KIAA1217: variants seen among roughly 807,000 people sequenced by gnomAD.
KIAA1217 encodes KIAA1217, also known as sickle tail protein homolog.
KIAA1217 carries 88 observed loss-of-function variants against 163.9 expected under a neutral mutation model. The ratio of observed to expected loss-of-function variants is 0.54; its 90% CI spans 0.45 to 0.64. The LOEUF is 0.64. KIAA1217 is among the 30% of genes least tolerant of loss of function. KIAA1217 has a pLI of 0.00. For missense variants in KIAA1217, 2,372 were observed against 2,475.0 expected (o/e 0.96, Z 0.88); for synonymous variants, 903 against 923.1 (o/e 0.98, Z 0.39).
chr10:23,984,773 C>T (rs1438781224), intron 1 of KIAA1217, among the ~76,000 whole-genome samples: 1 of 143,242 alleles, frequency 7.0e-6, no homozygotes, highest in South Asian at 2.2e-4. Context: ...GGGTTGGGGG[C>T]AAGGGGAGGG....
At chr10:23,703,720 TCTCCTC>T (rs1188404574) in intron 1 of KIAA1217, among the ~76,000 whole-genome samples, 3 of 151,818 alleles carry the variant, frequency 2.0e-5, no homozygotes, top group Non-Finnish European at 2.9e-5. Flanking sequence ...TCTTATTCTT[TCTCCTC>T]CTCCTCCTCC....
chr10:24,278,630 T>C (rs1352503095), intron 2 of KIAA1217, among the ~76,000 whole-genome samples: 2 of 152,248 alleles, frequency 1.3e-5, no homozygotes, highest in African/African-American at 2.4e-5. Context: ...TGTTAGCCAC[T>C]GGGGAGACAG....
chr10:24,098,206 T>C (rs889899930), intron 2 of KIAA1217, among the ~76,000 whole-genome samples: 4 of 151,846 alleles, frequency 2.6e-5, no homozygotes, highest in Non-Finnish European at 5.9e-5. Flanking sequence ...CCCTAGGAGG[T>C]GTGGGACACG....
intron 1 of KIAA1217, among the ~76,000 whole-genome samples, chr10:23,765,422 C>T (rs1834463199): frequency 6.6e-6 from 1 of 151,978 alleles, no homozygotes; most frequent in Admixed American, 6.6e-5. Flanking sequence ...ATCCACCCGC[C>T]TCGGCCTCCC....
intron 3 of KIAA1217, among the ~76,000 whole-genome samples, chr10:24,426,598 T>A (rs1328310076): frequency 2.0e-5 from 3 of 151,956 alleles, no homozygotes; most frequent in Non-Finnish European, 4.4e-5. Flanking sequence ...GCACTCCAGC[T>A]TGGGCAACAG....
At chr10:23,946,724 A>G (rs1844066613) in intron 1 of KIAA1217, among the ~76,000 whole-genome samples, 1 of 152,208 alleles carries the variant, frequency 6.6e-6, no homozygotes, top group African/African-American at 2.4e-5. Flanking sequence ...ATAACAACAC[A>G]TCTTTCTGAT....
At chr10:23,838,890 G>C (rs895129575) in intron 1 of KIAA1217, among the ~76,000 whole-genome samples, 1 of 151,948 alleles carries the variant, frequency 6.6e-6, no homozygotes. Flanking sequence ...TTTGATTATT[G>C]TTTCAATAAT....
chr10:24,485,456 A>C (rs570150973), intron 6 of KIAA1217, among the ~76,000 whole-genome samples: 1 of 152,208 alleles, frequency 6.6e-6, no homozygotes, highest in South Asian at 2.1e-4. Context: ...TGTCTAACTG[A>C]CTGGCTCCTC....
In KIAA1217 at chr10:24,487,599, A is replaced by G. The variant is rs530807012; in HGVS notation, c.1680-6901A>G. 3.9e-5 allele frequency among the ~76,000 whole-genome samples: 6 copies of G among 152,142 alleles called. No homozygotes were observed. The South Asian group carries it at 1.2e-3, about 32-fold the overall frequency. ...GTGAATTTATGAAGAAAGATTAGAA[A>G]TAGCTTTTTCCTCTAGATCCTTGTA... On this transcript the variant is annotated intron_variant, in intron 6 of 20. Coordinates refer to ENST00000376454, the MANE Select transcript of KIAA1217 (RefSeq NM_019590.5).
intron 2 of KIAA1217, among the ~76,000 whole-genome samples, chr10:24,073,794 G>T (rs2061272665): frequency 6.6e-6 from 1 of 152,160 alleles, no homozygotes; most frequent in Non-Finnish European, 1.5e-5. Flanking sequence ...GTATACAGGA[G>T]ACCAAATGAA....
intron 2 of KIAA1217, among the ~76,000 whole-genome samples, chr10:24,100,416 A>C (rs1366943562): frequency 6.6e-6 from 1 of 152,210 alleles, no homozygotes; most frequent in African/African-American, 2.4e-5. Flanking sequence ...AAATACATTA[A>C]TTACTTTGGG....
chr10:23,876,377 G>A (rs997956913), intron 1 of KIAA1217, among the ~76,000 whole-genome samples: 2 of 151,700 alleles, frequency 1.3e-5, no homozygotes, highest in Non-Finnish European at 2.9e-5. Flanking sequence ...TTCCTGTTGG[G>A]TACTATGTTC....
At chr10:24,032,526 C>T (rs1469749059) in intron 2 of KIAA1217, among the ~76,000 whole-genome samples, 12 of 152,142 alleles carry the variant, frequency 7.9e-5, no homozygotes, top group Admixed American at 7.9e-4. Context: ...CATGAGCCAC[C>T]ATGCCTGGCC....
intron 2 of KIAA1217, among the ~76,000 whole-genome samples, chr10:24,077,019 G>GGCAT (rs2061390313): frequency 1.3e-5 from 2 of 151,918 alleles, no homozygotes; most frequent in South Asian, 4.2e-4. Flanking sequence ...AGGGATTACA[G>GGCAT]GCATGCACCA....
At chr10:23,959,300 C>T (rs2131369691) in intron 1 of KIAA1217, among the ~76,000 whole-genome samples, 1 of 152,178 alleles carries the variant, frequency 6.6e-6, no homozygotes, top group Admixed American at 6.5e-5. Flanking sequence ...GAGACTGAGG[C>T]AGGAGGATTG....
At chr10:24,281,284 CTA>C (rs1191330917) in intron 2 of KIAA1217, among the ~76,000 whole-genome samples, 21 of 152,154 alleles carry the variant, frequency 1.4e-4, no homozygotes, top group African/African-American at 5.1e-4. Flanking sequence ...TCGTTTTTAC[CTA>C]TGTGTGATGT....
intron 1 of KIAA1217, among the ~76,000 whole-genome samples, chr10:23,788,699 CTG>C (rs1354739790): frequency 6.6e-6 from 1 of 152,200 alleles, no homozygotes. Context: ...AGCTTCCTGA[CTG>C]TACTCATTTA....
chr10:24,520,161 C>G lies in KIAA1217; in HGVS notation c.2216C>G (p.Ser739Cys), dbSNP rs926616243. 6.2e-7 allele frequency: 1 copy of G among 1,614,102 alleles called. No homozygotes were observed. Among genetic ancestry groups the G allele is most frequent in the African/African-American group, 1.3e-5 (1 of 75,018 alleles). Residue 739 changes from serine (S) to cysteine (C), a missense_variant, in exon 11 of 21, where the codon TCC (serine) becomes TGC (cysteine). By Grantham distance (112) the Ser-to-Cys change is moderately radical. This residue lies in a region of KIAA1217 where 1,431 missense variants were observed against 1,470.3 expected (regional missense o/e 0.97). Transcript: ENST00000376454. ...TTTGTTGAAGACTTGAAGAAGGACT[C>G]CACGGCAGCCAGCCGATTGGTTACT... ...EDFVEDLKKDSTAASRLVTLK... is the reference protein window; with the variant it reads ...EDFVEDLKKDCTAASRLVTLK...
At chr10:23,882,984 T>C (rs1373322249) in intron 1 of KIAA1217, among the ~76,000 whole-genome samples, 1 of 151,960 alleles carries the variant, frequency 6.6e-6, no homozygotes, top group Non-Finnish European at 1.5e-5. Context: ...TGGATTTCAC[T>C]AGAGGGATAA....
Sources: allele counts gnomAD v4.1 joint callset (sites outside exome capture counted in the v4.1 genomes callset), GRCh38; gene constraint gnomAD v4.1.1; regional missense constraint gnomAD v4.1.1; transcripts MANE v1.5; gene names NCBI Gene and HGNC (gene_info 2026-07-23, HGNC 2026-07-21).